NKIRAS1: variants seen among roughly 807,000 people sequenced by gnomAD.
The protein encoded by NKIRAS1 is NF-kappa-B inhibitor-interacting Ras-like protein 1.
NKIRAS1 carries 16 observed loss-of-function variants against 19.8 expected under a neutral mutation model. The observed-to-expected ratio is 0.81, with a 90% CI of 0.55 to 1.23. The LOEUF (loss-of-function observed/expected upper bound fraction) is 1.23, where lower values mean the gene tolerates loss of function less well. Ranked by LOEUF, NKIRAS1 falls within the 50% of genes most tolerant of loss-of-function variation. The pLI is 0.00. For synonymous variants in NKIRAS1, 88 were observed against 79.0 expected, an observed-to-expected ratio of 1.11 and a Z score of -0.61; for missense variants, 184 against 220.0, an observed-to-expected ratio of 0.84 and a Z score of 1.04.
chr3:23,946,156 G>T, intron 1 of NKIRAS1: 1 of 985,168 alleles, frequency 1.0e-6, no homozygotes, highest in Non-Finnish European at 1.2e-6. Flanking sequence ...CTGCGGAGGA[G>T]GCCGCGCGTG....
intron 4 of NKIRAS1, among the ~76,000 whole-genome samples, chr3:23,896,997 G>A (rs1294660767): frequency 6.6e-6 from 1 of 152,078 alleles, no homozygotes; most frequent in Non-Finnish European, 1.5e-5. Flanking sequence ...CTTGAAGCCA[G>A]GAGTTGGGAG....
At chr3:23,923,735 G>C (rs1435634324) in intron 1 of NKIRAS1, 1 of 152,124 alleles carries the variant, frequency 6.6e-6, no homozygotes, top group African/African-American at 2.4e-5. Context: ...ATTTTTTATA[G>C]ATATTGCCAA....
intron 1 of NKIRAS1, among the ~76,000 whole-genome samples, chr3:23,941,688 A>AC (rs1385404592): frequency 6.6e-6 from 1 of 152,124 alleles, no homozygotes; most frequent in Non-Finnish European, 1.5e-5. Flanking sequence ...CTCCTCTGGC[A>AC]CTGAGGAGCC....
In NKIRAS1 at chr3:23,926,376, ATTC is replaced by A. The variant is rs1319234630; in HGVS notation, c.-139-14929_-139-14927del. Reference sequence around the variant, plus strand: ...CATAGTACTGACTTAGACCCTTGAAATTCTTCTTTATTTCTTCTTCTTTCTTCT... The same window carrying A: ...CATAGTACTGACTTAGACCCTTGAAATTCTTTATTTCTTCTTCTTTCTTCT... On this transcript the variant is annotated intron_variant, in intron 1 of 4. Coordinates refer to the NKIRAS1 transcript ENST00000421515. This position sits in a 1 kb window ranked among gnomAD's most constrained non-coding sequence, Gnocchi z 4.3. Among the ~76,000 whole-genome samples, 2 of 151,998 alleles carry A rather than the reference ATTC, an allele frequency of 1.3e-5. No individual in the cohort carries two copies. The highest frequency in any genetic ancestry group is 2.9e-5 in the Non-Finnish European group (2 of 67,982).
intron 1 of NKIRAS1, among the ~76,000 whole-genome samples, chr3:23,912,044 G>A (rs1305968701): frequency 6.6e-6 from 1 of 152,128 alleles, no homozygotes; most frequent in Non-Finnish European, 1.5e-5. Context: ...GATTACAGGC[G>A]TGAGCTACTG....
chr3:23,940,682 T>G (rs1279536322), intron 1 of NKIRAS1, among the ~76,000 whole-genome samples: 1 of 151,768 alleles, frequency 6.6e-6, no homozygotes, highest in East Asian at 1.9e-4. Flanking sequence ...TTTTTATTAT[T>G]TCGTTATAAC....
At chr3:23,903,286 G>C (rs1002859749) in intron 3 of NKIRAS1, among the ~76,000 whole-genome samples, 8 of 152,076 alleles carry the variant, frequency 5.3e-5, no homozygotes, top group Non-Finnish European at 1.2e-4. Flanking sequence ...ACTAATTCTT[G>C]TATTTTTTTG....
At chr3:23,944,778 G>A (rs550858320) in intron 1 of NKIRAS1, among the ~76,000 whole-genome samples, 4 of 139,192 alleles carry the variant, frequency 2.9e-5, no homozygotes, top group South Asian at 2.3e-4. Context: ...GGTGCAGAGG[G>A]AAAGGGAAGG....
At chr3:23,936,107 G>A (rs866892435) in intron 1 of NKIRAS1, among the ~76,000 whole-genome samples, 15 of 58,558 alleles carry the variant, frequency 2.6e-4, no homozygotes, top group South Asian at 1.0e-3. Context: ...AAAAAAAAAA[G>A]CGGGGTTGGG....
chr3:23,912,914 T>G (rs1472034953), intron 1 of NKIRAS1, among the ~76,000 whole-genome samples: 1 of 151,836 alleles, frequency 6.6e-6, no homozygotes, highest in Non-Finnish European at 1.5e-5. Flanking sequence ...GTCAGGAGAT[T>G]GAGACCATCC....
intron 1 of NKIRAS1, among the ~76,000 whole-genome samples, chr3:23,941,104 G>A (rs1002126891): frequency 6.6e-6 from 1 of 152,206 alleles, no homozygotes; most frequent in African/African-American, 2.4e-5. Flanking sequence ...CATAGAAAAG[G>A]CAATTTAAGT....
intron 4 of NKIRAS1, among the ~76,000 whole-genome samples, chr3:23,894,408 C>T (rs904042967): frequency 1.3e-5 from 2 of 152,320 alleles, no homozygotes; most frequent in African/African-American, 4.8e-5. Flanking sequence ...AAGGCCATGC[C>T]TTGCTGGCAG....
intron 4 of NKIRAS1, among the ~76,000 whole-genome samples, chr3:23,899,172 G>A (rs941620922): frequency 1.3e-5 from 2 of 152,176 alleles, no homozygotes; most frequent in Non-Finnish European, 2.9e-5. Context: ...TTAAGGTGGG[G>A]GTGAAGATGG....
chr3:23,890,114 A>C lies in NKIRAS1; in HGVS notation c.*2981T>G, dbSNP rs1474341995. 6.6e-6 allele frequency among the ~76,000 whole-genome samples: 1 copy of C among 152,218 alleles called. No individual in the cohort carries two copies. The highest frequency in any genetic ancestry group is 1.5e-5 in the Non-Finnish European group (1 of 68,038). The stretch of plus-strand genomic sequence containing the variant: ...GCCCCGAAGACTTCACAGTATTCAC[A>C]ATGCCGTTAACTGGTGACATTGAGC... On this transcript the variant is annotated 3_prime_UTR_variant, in exon 5 of 5. Coordinates refer to ENST00000425478, the MANE Select transcript of NKIRAS1 (RefSeq NM_020345.4).
In NKIRAS1 at chr3:23,890,119, C is replaced by T. The variant is rs954778553; in HGVS notation, c.*2976G>A. On this transcript the variant is annotated 3_prime_UTR_variant, in exon 5 of 5. Transcript: ENST00000425478. ...GAAGACTTCACAGTATTCACAATGC[C>T]GTTAACTGGTGACATTGAGCTAAGG... Among the ~76,000 whole-genome samples the T allele has an allele frequency of 2.0e-5, 3 of 152,082 alleles. No homozygotes were observed. The highest frequency in any genetic ancestry group is 2.9e-5 in the Non-Finnish European group (2 of 68,028).
At chr3:23,921,650 C>T (rs1320062786), upstream of NKIRAS1, 1 of 633,630 alleles carries the variant, frequency 1.6e-6, no homozygotes, top group Non-Finnish European at 2.9e-6. Flanking sequence ...TCACGGCTCA[C>T]TGCAACCTCT....
At chr3:23,924,648 C>T (rs565383334) in intron 1 of NKIRAS1, among the ~76,000 whole-genome samples, 21 of 152,256 alleles carry the variant, frequency 1.4e-4, no homozygotes, top group Non-Finnish European at 2.6e-4. Flanking sequence ...GATCTGCGCC[C>T]GTCTTGGCCT....
At position 23,890,334 on chromosome 3, in the gene NKIRAS1, G is replaced by A. The variant is rs964702643; in HGVS notation, c.*2761C>T. On this transcript the variant is annotated 3_prime_UTR_variant, in exon 5 of 5. Coordinates refer to ENST00000425478, the MANE Select transcript of NKIRAS1 (RefSeq NM_020345.4). ...CCTAAGCATTCCCTCTTCCCCCAACGTTATGTTTTTTTGAAATTTTGATGG... is the reference window on the plus strand; with the variant it reads ...CCTAAGCATTCCCTCTTCCCCCAACATTATGTTTTTTTGAAATTTTGATGG... 1.4e-4 allele frequency among the ~76,000 whole-genome samples: 22 copies of A among 152,196 alleles called. No homozygotes were observed. The highest frequency in any genetic ancestry group is 4.6e-4 in the African/African-American group (19 of 41,448).
chr3:23,903,320 G>T (rs1301002336), intron 3 of NKIRAS1, among the ~76,000 whole-genome samples: 13 of 152,048 alleles, frequency 8.5e-5, no homozygotes, highest in Non-Finnish European at 1.5e-4. Flanking sequence ...TCACCATGTT[G>T]CCCAGGCTGG....
Sources: allele counts gnomAD v4.1 joint callset (sites outside exome capture counted in the v4.1 genomes callset), GRCh38; gene constraint gnomAD v4.1.1; non-coding constraint Gnocchi (gnomAD v3.1); transcripts MANE v1.5; gene names NCBI Gene and HGNC (gene_info 2026-07-23, HGNC 2026-07-21).